Variants in C3orf62 observed in about 807,000 individuals in gnomAD.
C3orf62 encodes the protein uncharacterized protein C3orf62.
Under a neutral mutation model 21.7 loss-of-function variants are expected in C3orf62, and 16 were observed. The observed-to-expected ratio is 0.74, with a 90% confidence interval of 0.50 to 1.12. The LOEUF (loss-of-function observed/expected upper bound fraction) is 1.12. Ranked by LOEUF, C3orf62 falls within the 50% of genes most tolerant of loss-of-function variation. The pLI is 0.00. For synonymous variants in C3orf62, 114 were observed against 117.0 expected, an observed-to-expected ratio of 0.97 and a Z score of 0.17; for missense variants, 310 against 318.8, an observed-to-expected ratio of 0.97 and a Z score of 0.21.
At position 49,271,063 on chromosome 3, in the gene C3orf62, A is replaced by T; in HGVS notation, c.*117T>A. 1.0e-6 allele frequency: 1 copy of T among 993,634 alleles called. No individual in the cohort carries two copies. The highest frequency in any genetic ancestry group is 1.5e-6 in the Non-Finnish European group (1 of 670,340). The allele number at this position is 993,634 out of a possible 1,614,324, so 61.6% of individuals were successfully genotyped here. On this transcript the variant is annotated 3_prime_UTR_variant, in exon 3 of 3. Coordinates refer to ENST00000343010, the MANE Select transcript of C3orf62 (RefSeq NM_198562.3). ...AACTGGGATTTAAAAAGGGTCTGGT[A>T]ATTCAGGTTCTGCCAACCTTTTGAG...
Position 49,276,789 on chromosome 3 carries a change from A to G in C3orf62, c.84T>C (p.Ile28=), listed in dbSNP as rs1463064126. ...AACTAACTCCTTCAAAGGCCCGGTC[A>G]ATGGCTGCAGTCAGTTCCTTTCTGC... ...RRCRKELTAA[I]DRAFEGVSYS... The change falls in exon 1 of 3, where the codon ATT becomes ATC. Residue 28 remains isoleucine (I), a synonymous_variant. Coordinates refer to ENST00000343010, the MANE Select transcript of C3orf62 (RefSeq NM_198562.3). 1 of 1,614,196 alleles carries G rather than the reference A, an allele frequency of 6.2e-7. No individual in the cohort carries two copies. Among genetic ancestry groups the G allele is most frequent in the East Asian group, 2.2e-5 (1 of 44,890 alleles).
At chr3:49,273,964 C>A in intron 2 of C3orf62, 85 bp downstream of exon 2, 1 of 988,274 alleles carries the variant, frequency 1.0e-6, no homozygotes, top group African/African-American at 1.6e-5. Context: ...GAGAGCATTT[C>A]TTATATCTGA....
At position 49,271,100 on chromosome 3, in the gene C3orf62, CT is replaced by C. The variant is rs2107754851; in HGVS notation, c.*79del. 9.9e-6 allele frequency: 14 copies of C among 1,418,856 alleles called. No homozygotes were observed. The South Asian group carries it at 1.8e-4, about 18-fold the overall frequency. The allele number at this position is 1,418,856 out of a possible 1,614,324, so 87.9% of individuals were successfully genotyped here. A position where few individuals can be genotyped will look rare whatever the true frequency, so the allele number is the denominator to read the frequency against. ...GCCAACCTTTTGAGAAATGTGGCCC[CT>C]GACGGCCATTGTAGCTGCTTCTGCT... On this transcript the variant is annotated 3_prime_UTR_variant, in exon 3 of 3. Coordinates refer to ENST00000343010, the MANE Select transcript of C3orf62 (RefSeq NM_198562.3).
At chr3:49,275,989 G>C (rs1271819569) in intron 1 of C3orf62, among the ~76,000 whole-genome samples, 1 of 152,106 alleles carries the variant, frequency 6.6e-6, no homozygotes, top group Admixed American at 6.5e-5. Context: ...ATGAAGCCAG[G>C]AAGTAGGGCC....
Position 49,277,210 on chromosome 3 carries a change from T to A in C3orf62, c.-338A>T. 7.5e-7 allele frequency: 1 copy of A among 1,336,640 alleles called. No homozygotes were observed. The highest frequency in any genetic ancestry group is 9.8e-7 in the Non-Finnish European group (1 of 1,019,738). The allele number at this position is 1,336,640 out of a possible 1,614,324, so 82.8% of individuals were successfully genotyped here. ...CCCGCAGCGCAGTGACGCCGACCCA[T>A]CCAACGGTCATCGCATGCGCGTGCC... On this transcript the variant is annotated 5_prime_UTR_variant, in exon 1 of 3. An upstream start codon of the reference 5' UTR is lost. Coordinates refer to ENST00000343010, the MANE Select transcript of C3orf62 (RefSeq NM_198562.3).
chr3:49,275,518 A>ATTTTT, intron 1 of C3orf62, among the ~76,000 whole-genome samples: 1 of 69,826 alleles, frequency 1.4e-5, no homozygotes, highest in Middle Eastern at 0.011. Context: ...AGAACTTTGA[A>ATTTTT]GTTTTTTTTT....
rs1575596654 is a variant in C3orf62, at chr3:49,277,028, A to G, written c.-156T>C. 4.1e-6 allele frequency: 6 copies of G among 1,461,344 alleles called. No homozygotes were observed. The South Asian group carries it at 5.5e-5, about 13-fold the overall frequency. 90.5% of individuals were successfully genotyped at this position (1,461,344 alleles called of 1,614,324 possible). A position where few individuals can be genotyped will look rare whatever the true frequency, so the allele number is the denominator to read the frequency against. On this transcript the variant is annotated 5_prime_UTR_variant, in exon 1 of 3. Transcript: ENST00000343010. Reference sequence around the variant, plus strand: ...GGCGGTTCTCGGCTCTCGCGGAGGAACCCGCCATCTGCCAGAAGCCCCAAA... The same window carrying G: ...GGCGGTTCTCGGCTCTCGCGGAGGAGCCCGCCATCTGCCAGAAGCCCCAAA...
At chr3:49,275,528 T>TG (rs1553622000) in intron 1 of C3orf62, among the ~76,000 whole-genome samples, 2 of 93,386 alleles carry the variant, frequency 2.1e-5, no homozygotes, top group Admixed American at 1.1e-4. Flanking sequence ...AGTTTTTTTT[T>TG]TTTTTTTTTT....
Position 49,270,178 on chromosome 3 carries a change from A to G in C3orf62, c.*1002T>C, listed in dbSNP as rs768013000. Reference sequence around the variant, plus strand: ...TTATCTCAATTGACTACTCACAGTTACAGATCTAACTCCTTGTTCCACTCC... The same window carrying G: ...TTATCTCAATTGACTACTCACAGTTGCAGATCTAACTCCTTGTTCCACTCC... On this transcript the variant is annotated 3_prime_UTR_variant, in exon 3 of 3. Transcript: ENST00000343010. 6.6e-6 allele frequency: 1 copy of G among 152,132 alleles called. No homozygotes were observed. Among genetic ancestry groups the G allele is most frequent in the East Asian group, 1.9e-4 (1 of 5,198 alleles). 9.4% of individuals were successfully genotyped at this position (152,132 alleles called of 1,614,324 possible).
Position 49,271,429 on chromosome 3 carries a change from T to C in C3orf62, c.555A>G (p.Arg185=). 1 of 1,613,866 alleles carries C rather than the reference T, an allele frequency of 6.2e-7. No individual in the cohort carries two copies. The highest frequency in any genetic ancestry group is 2.2e-5 in the East Asian group (1 of 44,882). The change falls in exon 3 of 3, where the codon CGA becomes CGG. Residue 185 remains arginine (R), a synonymous_variant. Coordinates refer to ENST00000343010, the MANE Select transcript of C3orf62 (RefSeq NM_198562.3). ...LLDMIDHTSI[R]TIEELAGKIE... is the part of the protein sequence containing the mutation. ...TTTTTCCAGCCAATTCTTCAATAGT[T>C]CGGATGCTTGTATGGTCTTAAAAAT...
At chr3:49,275,601 G>A (rs1450292853) in intron 1 of C3orf62, among the ~76,000 whole-genome samples, 1 of 125,082 alleles carries the variant, frequency 8.0e-6, no homozygotes, top group East Asian at 2.8e-4. Flanking sequence ...CGTGATCTCG[G>A]CTCACTGCAA....
intron 2 of C3orf62, 84 bp from the exon 3 acceptor site, chr3:49,271,529 G>T (rs1423803840): frequency 6.9e-7 from 1 of 1,458,432 alleles, no homozygotes; most frequent in East Asian, 2.3e-5. Flanking sequence ...ACCATGAATG[G>T]GTTGTCATTT....
At chr3:49,273,476 A>G (rs1364471115) in intron 2 of C3orf62, among the ~76,000 whole-genome samples, 7 of 152,034 alleles carry the variant, frequency 4.6e-5, no homozygotes, top group Admixed American at 3.3e-4. Flanking sequence ...GGTCTCGCAC[A>G]GTTGCCCAGG....
At chr3:49,271,473 A>T (rs2046911510) in intron 2 of C3orf62, 28 bp from the exon 3 acceptor site, 3 of 1,596,732 alleles carry the variant, frequency 1.9e-6, no homozygotes, top group East Asian at 4.5e-5. Flanking sequence ...TCAGCTTTAC[A>T]ATTCCAGTGG....
chr3:49,274,446 C>T (rs2046935987), intron 1 of C3orf62: 1 of 241,916 alleles, frequency 4.1e-6, no homozygotes, highest in Non-Finnish European at 8.1e-6. Context: ...CCACTCGCCT[C>T]AGCCTCCCAA....
chr3:49,268,707 T>C lies in C3orf62; in HGVS notation c.*2473A>G, dbSNP rs2046895983. 1 of 152,196 alleles carries C rather than the reference T, an allele frequency of 6.6e-6. No homozygotes were observed. Among genetic ancestry groups the C allele is most frequent in the Admixed American group, 6.6e-5 (1 of 15,266 alleles). The allele number at this position is 152,196 out of a possible 1,614,324, so 9.4% of individuals were successfully genotyped here. On this transcript the variant is annotated 3_prime_UTR_variant, in exon 3 of 3. Coordinates refer to ENST00000343010, the MANE Select transcript of C3orf62 (RefSeq NM_198562.3). ...TGTTGCATTTAGCCATTGTGTCTTC[T>C]TGGTCTTTAGTGGTCTGTTGATAGT...
In C3orf62 at chr3:49,276,995, C is replaced by G. The variant is rs188949588; in HGVS notation, c.-123G>C. 3.6e-4 allele frequency: 529 copies of G among 1,469,790 alleles called. 3 individuals are homozygous for G. In the African/African-American group the frequency reaches 6.5e-3, roughly 18 times the overall value. 91.0% of individuals were successfully genotyped at this position (1,469,790 alleles called of 1,614,324 possible). ...GACCCACAACCCTCGGGCTTTCCTCCTGGAGTAGGCGGTTCTCGGCTCTCG... is the reference window on the plus strand; with the variant it reads ...GACCCACAACCCTCGGGCTTTCCTCGTGGAGTAGGCGGTTCTCGGCTCTCG... On this transcript the variant is annotated 5_prime_UTR_variant, in exon 1 of 3. Transcript: ENST00000343010.
intron 1 of C3orf62, among the ~76,000 whole-genome samples, chr3:49,274,954 G>C (rs1427527255): frequency 6.6e-6 from 1 of 151,236 alleles, no homozygotes; most frequent in African/African-American, 2.4e-5. Flanking sequence ...GGAGCAGCTG[G>C]GATTACAGGC....
Position 49,276,707 on chromosome 3 carries a change from A to C in C3orf62, c.166T>G (p.Phe56Val), listed in dbSNP as rs759538759. 51 of 1,614,058 alleles carry C rather than the reference A, an allele frequency of 3.2e-5. No homozygotes were observed. Among genetic ancestry groups the C allele is most frequent in the Non-Finnish European group, 4.0e-5 (47 of 1,180,026 alleles). The change falls in exon 1 of 3, where the codon TTC (phenylalanine) becomes GTC (valine). Residue 56 changes from phenylalanine to valine, a missense_variant. Phe to Val is a conservative substitution (Grantham distance 50). Coordinates refer to ENST00000343010, the MANE Select transcript of C3orf62 (RefSeq NM_198562.3). Reference protein sequence around the residue: ...RLELSAAPLSFSLPVHRLLCR... With the variant: ...RLELSAAPLSVSLPVHRLLCR... ...AGGAGCCTGTGCACGGGCAGCGAGA[A>C]GGAGAGCGGCGCGGCGCTCAGTTCC...
Sources: gnomAD v4.1 joint callset for allele counts (sites outside exome capture counted in the v4.1 genomes callset) on GRCh38, gnomAD v4.1.1 for gene constraint, MANE v1.5 for transcripts, NCBI Gene and HGNC (gene_info 2026-07-23, HGNC 2026-07-21) for gene names.